The following DOCK3 variants were observed in gnomAD, a reference collection of about 807,000 sequenced individuals.
DOCK3 encodes the protein dedicator of cytokinesis protein 3.
In DOCK3, 60 loss-of-function variants were observed where a neutral mutation model predicts 265.6. That is an observed-to-expected ratio of 0.23 (90% CI 0.18 to 0.28). DOCK3 has a LOEUF of 0.28. Ranked by LOEUF, DOCK3 falls within the 10% of genes least tolerant of loss-of-function variation. DOCK3 has a pLI of 1.00. For missense variants in DOCK3, 1,981 were observed against 2,594.3 expected, an observed-to-expected ratio of 0.76 and a Z score of 5.14; for synonymous variants, 881 against 938.0, an observed-to-expected ratio of 0.94 and a Z score of 1.11.
At chr3:50,861,200 T>C (rs2046894440) in intron 3 of DOCK3, among the ~76,000 whole-genome samples, 1 of 152,116 alleles carries the variant, frequency 6.6e-6, no homozygotes, top group South Asian at 2.1e-4. Context: ...CTTGCTTTTC[T>C]TTGTTCTCTG....
intron 1 of DOCK3, among the ~76,000 whole-genome samples, chr3:50,718,145 AT>A (rs2037245166): frequency 6.6e-6 from 1 of 152,128 alleles, no homozygotes; most frequent in African/African-American, 2.4e-5. Flanking sequence ...TTATCAGGGC[AT>A]ATAACCTTTA....
At chr3:50,798,371 C>A (rs1009570238) in intron 2 of DOCK3, among the ~76,000 whole-genome samples, 1 of 152,158 alleles carries the variant, frequency 6.6e-6, no homozygotes, top group African/African-American at 2.4e-5. Flanking sequence ...CTCAGTTTTC[C>A]TGCTAGGGAT....
intron 3 of DOCK3, among the ~76,000 whole-genome samples, chr3:50,880,963 C>G (rs975792278): frequency 1.3e-5 from 2 of 152,148 alleles, no homozygotes; most frequent in African/African-American, 4.8e-5. Flanking sequence ...GGATGCAAGG[C>G]TGGTTCAACA....
At chr3:50,919,430 T>C (rs1378645682) in intron 4 of DOCK3, among the ~76,000 whole-genome samples, 1 of 152,198 alleles carries the variant, frequency 6.6e-6, no homozygotes, top group East Asian at 1.9e-4. Flanking sequence ...TTTATTTCGT[T>C]GAGCAGTGGT....
intron 1 of DOCK3, among the ~76,000 whole-genome samples, chr3:50,723,095 G>C (rs975939420): frequency 1.1e-4 from 16 of 152,268 alleles, no homozygotes; most frequent in Non-Finnish European, 2.1e-4. Context: ...TTTCATCAGG[G>C]AAATGAAAAC....
chr3:51,051,946 C>T (rs1475127528), intron 5 of DOCK3, among the ~76,000 whole-genome samples: 9 of 152,024 alleles, frequency 5.9e-5, no homozygotes, highest in Non-Finnish European at 7.4e-5. Flanking sequence ...TGGGGCTAAG[C>T]CATTCATGAG....
At chr3:50,972,683 G>T (rs985647148) in intron 5 of DOCK3, among the ~76,000 whole-genome samples, 1 of 152,198 alleles carries the variant, frequency 6.6e-6, no homozygotes, top group Non-Finnish European at 1.5e-5. Flanking sequence ...AGAAATGTCT[G>T]CTAGGACTCC....
At chr3:51,271,192 C>G (rs900535029) in intron 24 of DOCK3, among the ~76,000 whole-genome samples, 185 bp downstream of exon 24, 11 of 152,214 alleles carry the variant, frequency 7.2e-5, no homozygotes, top group African/African-American at 2.7e-4. Context: ...CCTAGGCCTA[C>G]TGCCTTACTC....
chr3:51,308,330 AAGGTCTCTG>A (rs1560404090), intron 27 of DOCK3, among the ~76,000 whole-genome samples: 1 of 151,188 alleles, frequency 6.6e-6, no homozygotes, highest in Non-Finnish European at 1.5e-5. Flanking sequence ...CAAGTGAACA[AAGGTCTCTG>A]GTTTTCCTAG....
intron 5 of DOCK3, among the ~76,000 whole-genome samples, chr3:50,973,510 T>C (rs2077324457): frequency 1.4e-5 from 2 of 142,618 alleles, no homozygotes; most frequent in South Asian, 2.4e-4. Flanking sequence ...GGTGTATATG[T>C]GCCACATTTT....
chr3:51,231,121 C>CTTTTTTTTTTTTTTTTTTT (rs754271357), intron 19 of DOCK3, among the ~76,000 whole-genome samples: 1 of 77,738 alleles, frequency 1.3e-5, no homozygotes, highest in African/African-American at 5.1e-5. Context: ...TATTTTTTGA[C>CTTTTTTTTTTTTTTTTTTT]TTTTTTTTTT....
intron 12 of DOCK3, among the ~76,000 whole-genome samples, chr3:51,197,215 TGCCAGGTGG>T (rs574080692): frequency 1.0e-3 from 154 of 152,316 alleles, no homozygotes; most frequent in Non-Finnish European, 2.0e-3. Flanking sequence ...GGGACTAGGA[TGCCAGGTGG>T]GCCAGTGATA....
intron 3 of DOCK3, among the ~76,000 whole-genome samples, chr3:50,887,823 G>A (rs1016286954): frequency 1.3e-5 from 2 of 148,890 alleles, no homozygotes; most frequent in African/African-American, 5.0e-5. Context: ...ACCCCTTTAG[G>A]CTAAAAACAC....
intron 1 of DOCK3, 44 bp from the exon 2 acceptor site, chr3:50,778,631 G>A: frequency 7.0e-7 from 1 of 1,435,986 alleles, no homozygotes; most frequent in Non-Finnish European, 9.6e-7. Context: ...CCATGTCTCA[G>A]TGTTTAAAAA....
At chr3:50,735,625 CT>C (rs1395990118) in intron 1 of DOCK3, among the ~76,000 whole-genome samples, 11 of 152,188 alleles carry the variant, frequency 7.2e-5, no homozygotes, top group African/African-American at 2.7e-4. Context: ...GGGTGAGCCA[CT>C]GCACCCAGCC....
chr3:51,183,329 G>T (rs905632638), intron 12 of DOCK3, among the ~76,000 whole-genome samples: 4 of 152,066 alleles, frequency 2.6e-5, no homozygotes, highest in Non-Finnish European at 4.4e-5. Flanking sequence ...TGGTTTCTGG[G>T]TGTATTAAAG....
At chr3:50,854,563 T>G (rs957973556) in intron 3 of DOCK3, among the ~76,000 whole-genome samples, 34 of 136,298 alleles carry the variant, frequency 2.5e-4, no homozygotes, top group African/African-American at 9.3e-4. Flanking sequence ...TCAGAGTTGC[T>G]TGAGCTACAG....
At chr3:51,202,982 G>C (rs1034536009) in intron 12 of DOCK3, among the ~76,000 whole-genome samples, 1 of 152,088 alleles carries the variant, frequency 6.6e-6, no homozygotes, top group African/African-American at 2.4e-5. Context: ...TCATGCTAAA[G>C]ACTCTCAATA....
At position 51,173,209 on chromosome 3, in the gene DOCK3, C is replaced by T. The variant is rs2086775053; in HGVS notation, c.1037+12507C>T. Reference sequence around the variant, plus strand: ...AATCGTGGCTCACTGAAGCCTTGACCTCCTGGGTTCAAGTGATCCACCCAT... The same window carrying T: ...AATCGTGGCTCACTGAAGCCTTGACTTCCTGGGTTCAAGTGATCCACCCAT... On this transcript the variant is annotated intron_variant, in intron 12 of 52. Coordinates refer to ENST00000266037, the MANE Select transcript of DOCK3 (RefSeq NM_004947.5). 2.6e-5 allele frequency among the ~76,000 whole-genome samples: 4 copies of T among 152,174 alleles called. No homozygotes were observed. The South Asian group carries it at 8.3e-4, about 32-fold the overall frequency.
Sources: gnomAD v4.1 joint callset for allele counts (sites outside exome capture counted in the v4.1 genomes callset) on GRCh38, gnomAD v4.1.1 for gene constraint, MANE v1.5 for transcripts, NCBI Gene and HGNC (gene_info 2026-07-23, HGNC 2026-07-21) for gene names.